Variants in PCDH11X observed in about 807,000 individuals in gnomAD.
PCDH11X encodes protocadherin-11 X-linked.
PCDH11X carries 18 observed loss-of-function variants against 53.3 expected under a neutral mutation model. The ratio of observed to expected loss-of-function variants is 0.34; its 90% CI spans 0.23 to 0.50. The LOEUF is 0.50. PCDH11X is among the 20% of genes least tolerant of loss of function. The pLI is 0.98. For synonymous variants in PCDH11X, 279 were observed against 393.3 expected (o/e 0.71, Z 3.44); for missense variants, 570 against 1,032.4 (o/e 0.55, Z 6.14).
intron 10 of PCDH11X, among the ~76,000 whole-genome samples, chrX:92,558,525 GA>G (rs1162899859): frequency 9.0e-6 from 1 of 110,902 alleles, no homozygotes; most frequent in East Asian, 2.8e-4. Flanking sequence ...ATGGAAACAA[GA>G]AAAAAAATAA....
At chrX:92,120,159 T>C (rs1383237154) in intron 6 of PCDH11X, among the ~76,000 whole-genome samples, 8 of 69,029 alleles carry the variant, frequency 1.2e-4, no homozygotes, top group Admixed American at 1.9e-4. Context: ...TTCTTTCTTT[T>C]TTTTTTTTTT....
At chrX:92,112,689 T>C (rs1424812413) in intron 6 of PCDH11X, among the ~76,000 whole-genome samples, 1 of 109,538 alleles carries the variant, frequency 9.1e-6, no homozygotes, top group African/African-American at 3.5e-5. Context: ...AGGCTCCTAG[T>C]AATGAGTTTA....
chrX:92,516,229 G>A (rs1174217056), intron 10 of PCDH11X, among the ~76,000 whole-genome samples: 1 of 110,671 alleles, frequency 9.0e-6, no homozygotes, highest in East Asian at 2.8e-4. Context: ...CCAGTCATAG[G>A]AGGTTGAAAA....
intron 6 of PCDH11X, among the ~76,000 whole-genome samples, chrX:91,888,376 C>T (rs780374998): frequency 3.9e-4 from 44 of 111,866 alleles, no homozygotes; most frequent in African/African-American, 1.3e-3. Flanking sequence ...AGTGGCCAGG[C>T]GCAGTAACTC....
chrX:92,617,296 T>G (rs1336718551), intron 10 of PCDH11X, among the ~76,000 whole-genome samples: 1 of 111,893 alleles, frequency 8.9e-6, no homozygotes, highest in Admixed American at 9.5e-5. Context: ...ATGCATTTAC[T>G]GATTTTCTAT....
intron 8 of PCDH11X, among the ~76,000 whole-genome samples, chrX:92,305,454 T>G (rs2068805575): frequency 9.1e-6 from 1 of 109,366 alleles, no homozygotes; most frequent in African/African-American, 3.3e-5. Context: ...GAGTGAGAGA[T>G]ATCTGGTGTC....
intron 9 of PCDH11X, among the ~76,000 whole-genome samples, chrX:92,454,231 A>G (rs2072863736): frequency 9.4e-6 from 1 of 105,977 alleles, no homozygotes; most frequent in African/African-American, 3.4e-5. Flanking sequence ...TATAATCAGT[A>G]TATATAGATA....
In PCDH11X at chrX:92,457,341, G is replaced by A. The variant is rs765612045; in HGVS notation, c.3344-10958G>A. ...TTCTGCCAAAGCTTGTGTTCATACA[G>A]TTACAAAGTCCCAATAAGATATATA... On this transcript the variant is annotated intron_variant, in intron 9 of 10. Transcript: ENST00000682573. 5.6e-5 allele frequency among the ~76,000 whole-genome samples: 6 copies of A among 106,864 alleles called. No homozygotes were observed. In the South Asian group the frequency reaches 2.0e-3, roughly 36 times the overall value. The allele number at this position is 106,864 out of a possible 115,157, so 92.8% of individuals were successfully genotyped here.
intron 6 of PCDH11X, among the ~76,000 whole-genome samples, chrX:92,069,686 G>C (rs1191834947): frequency 9.0e-6 from 1 of 110,686 alleles, no homozygotes; most frequent in Non-Finnish European, 1.9e-5. Flanking sequence ...TCTTAAAACT[G>C]ATATTATTTT....
intron 9 of PCDH11X, among the ~76,000 whole-genome samples, chrX:92,406,986 T>C (rs5942238): frequency 0.35 from 33,808 of 95,629 alleles, 5,498 homozygotes; most frequent in Non-Finnish European, 0.43. Flanking sequence ...AATACTCCTC[T>C]GTTCCCAATC....
At chrX:92,483,156 C>T (rs2073544253) in intron 10 of PCDH11X, among the ~76,000 whole-genome samples, 1 of 111,848 alleles carries the variant, frequency 8.9e-6, no homozygotes, top group Non-Finnish European at 1.9e-5. Flanking sequence ...ACTAAATTAT[C>T]TGGCTCTTGT....
chrX:92,158,405 G>C (rs2065577719), intron 6 of PCDH11X, among the ~76,000 whole-genome samples: 1 of 108,901 alleles, frequency 9.2e-6, no homozygotes, highest in Non-Finnish European at 1.9e-5. Flanking sequence ...AGCCACTCAG[G>C]AGGCTGAGGC....
chrX:91,815,795 A>G (rs1936432207), intron 4 of PCDH11X, among the ~76,000 whole-genome samples: 2 of 108,256 alleles, frequency 1.8e-5, no homozygotes, highest in Non-Finnish European at 3.8e-5. Context: ...ATATTGACAC[A>G]TGGGAAAGGA....
chrX:92,053,504 C>A (rs2148050605), intron 6 of PCDH11X, among the ~76,000 whole-genome samples: 1 of 105,684 alleles, frequency 9.5e-6, no homozygotes, highest in Non-Finnish European at 1.9e-5. Flanking sequence ...TCAAAACTAT[C>A]ATTTTTTGGG....
intron 7 of PCDH11X, among the ~76,000 whole-genome samples, chrX:92,251,926 C>A (rs1182342506): frequency 1.8e-5 from 2 of 110,858 alleles, no homozygotes; most frequent in Admixed American, 9.7e-5. Flanking sequence ...TATAAAGATG[C>A]TACACAATTT....
chrX:92,366,411 G>A (rs1346211907), intron 8 of PCDH11X, among the ~76,000 whole-genome samples: 20 of 109,657 alleles, frequency 1.8e-4, no homozygotes, highest in African/African-American at 6.6e-4. Context: ...CAGTCTATCT[G>A]TTTTTTAAAA....
At chrX:92,153,029 G>A (rs1401998639) in intron 6 of PCDH11X, among the ~76,000 whole-genome samples, 10 of 106,517 alleles carry the variant, frequency 9.4e-5, no homozygotes, top group Non-Finnish European at 1.9e-4. Context: ...CAGGTGATCC[G>A]CCCACCTTGG....
At chrX:91,929,599 G>A (rs1225887011) in intron 6 of PCDH11X, among the ~76,000 whole-genome samples, 2 of 110,704 alleles carry the variant, frequency 1.8e-5, no homozygotes, top group East Asian at 5.7e-4. Flanking sequence ...CAAAGCAGTA[G>A]CATTCTTACC....
intron 1 of PCDH11X, among the ~76,000 whole-genome samples, chrX:91,805,376 T>G: frequency 8.9e-6 from 1 of 111,870 alleles, no homozygotes. Context: ...CATACATGTA[T>G]GTGTATGCGT....
Sources: gnomAD v4.1 joint callset for allele counts (sites outside exome capture counted in the v4.1 genomes callset) on GRCh38, gnomAD v4.1.1 for gene constraint, MANE v1.5 for transcripts, NCBI Gene and HGNC (gene_info 2026-07-23, HGNC 2026-07-21) for gene names.